Variants in SUGCT observed in about 807,000 individuals in gnomAD.
SUGCT encodes the protein succinyl-CoA:glutarate CoA-transferase.
SUGCT carries 41 observed loss-of-function variants against 55.0 expected under a neutral mutation model. That is an observed-to-expected ratio of 0.74 (90% CI 0.58 to 0.97). The LOEUF (loss-of-function observed/expected upper bound fraction) is 0.97. SUGCT is among the 50% of genes least tolerant of loss of function. SUGCT has a pLI of 0.00. For synonymous variants in SUGCT, 187 were observed against 200.4 expected (o/e 0.93, Z 0.56); for missense variants, 568 against 547.8 (o/e 1.04, Z -0.37).
rs535176726 is a variant in SUGCT, at chr7:40,795,773, C to T, written c.1153+46276C>T. Among the ~76,000 whole-genome samples, 27 of 152,224 alleles carry T rather than the reference C, an allele frequency of 1.8e-4. 1 individual carries two copies. The highest frequency in any genetic ancestry group is 5.8e-4 in the African/African-American group (24 of 41,556). On this transcript the variant is annotated intron_variant, in intron 13 of 13. Coordinates refer to ENST00000335693, the MANE Select transcript of SUGCT (RefSeq NM_001193313.2). ...CCAGCAGAATGTGCATAGTTTCTGA[C>T]TGTTAGTGTATTCTTCCCCCTATTA... is the stretch of plus-strand genomic sequence containing the variant.
intron 12 of SUGCT, among the ~76,000 whole-genome samples, chr7:40,597,584 A>G (rs1225818678): frequency 6.6e-6 from 1 of 152,162 alleles, no homozygotes; most frequent in Non-Finnish European, 1.5e-5. Context: ...GATGAAGACT[A>G]GATCTGGCCA....
chr7:40,345,080 G>A (rs1299482366), intron 9 of SUGCT, among the ~76,000 whole-genome samples: 1 of 152,142 alleles, frequency 6.6e-6, no homozygotes, highest in Non-Finnish European at 1.5e-5. Flanking sequence ...CAAATAATTA[G>A]CAGCTTTAAT....
Position 40,691,047 on chromosome 7 carries a change from A to G in SUGCT, c.1090-58387A>G, listed in dbSNP as rs572946364. ...TTGGCTGTCTGATATTTCCTCTGGA[A>G]TAGAAAAGGAAGACTCAGGAAAAAC... is the stretch of plus-strand genomic sequence containing the variant. On this transcript the variant is annotated intron_variant, in intron 12 of 13. Coordinates refer to ENST00000335693, the MANE Select transcript of SUGCT (RefSeq NM_001193313.2). Among the ~76,000 whole-genome samples, 15 of 152,340 alleles carry G rather than the reference A, an allele frequency of 9.8e-5. No homozygotes were observed. In the East Asian group the frequency reaches 2.7e-3, roughly 27 times the overall value.
chr7:40,725,805 T>C (rs1388435636), intron 12 of SUGCT, among the ~76,000 whole-genome samples: 1 of 152,106 alleles, frequency 6.6e-6, no homozygotes, highest in Non-Finnish European at 1.5e-5. Flanking sequence ...CATGGAGAAA[T>C]CGGATTTTGC....
intron 12 of SUGCT, among the ~76,000 whole-genome samples, chr7:40,739,931 T>A (rs1214411391): frequency 2.6e-5 from 4 of 152,172 alleles, no homozygotes; most frequent in Non-Finnish European, 4.4e-5. Flanking sequence ...ATGAACTTTT[T>A]AAAAAGTTTA....
At chr7:40,918,297 C>T in the SUGCT span, among the ~76,000 whole-genome samples, 2 of 151,840 alleles carry the variant, frequency 1.3e-5, no homozygotes. Flanking sequence ...CCTGTCTCTA[C>T]TAAAAATACA....
At chr7:41,003,063 A>G in the SUGCT span, among the ~76,000 whole-genome samples, 1 of 152,190 alleles carries the variant, frequency 6.6e-6, no homozygotes, top group Non-Finnish European at 1.5e-5. Context: ...TAGAGTTTTT[A>G]TAAAGTTTAA....
intron 12 of SUGCT, among the ~76,000 whole-genome samples, chr7:40,618,855 T>A (rs1218520979): frequency 1.3e-5 from 2 of 152,224 alleles, no homozygotes; most frequent in Non-Finnish European, 2.9e-5. Flanking sequence ...TGTTTCTAAA[T>A]TTTATTTTCT....
At chr7:40,984,427 CT>C in the SUGCT span, among the ~76,000 whole-genome samples, 1 of 152,078 alleles carries the variant, frequency 6.6e-6, no homozygotes, top group African/African-American at 2.4e-5. Flanking sequence ...GGTTAAGTGA[CT>C]TTCCTATAGC....
At chr7:40,673,799 C>T (rs978899064) in intron 12 of SUGCT, among the ~76,000 whole-genome samples, 4 of 152,102 alleles carry the variant, frequency 2.6e-5, no homozygotes, top group African/African-American at 7.2e-5. Context: ...GCTTTGGAGC[C>T]GATTCTATCT....
intron 13 of SUGCT, among the ~76,000 whole-genome samples, chr7:40,837,568 C>T (rs1405903069): frequency 6.6e-6 from 1 of 151,788 alleles, no homozygotes; most frequent in Non-Finnish European, 1.5e-5. Flanking sequence ...ATTCTGTGAC[C>T]ATTTTGAGTT....
the SUGCT span, among the ~76,000 whole-genome samples, chr7:40,975,218 A>G: frequency 3.9e-5 from 6 of 152,114 alleles, no homozygotes; most frequent in Non-Finnish European, 7.3e-5. Context: ...CCTAACCAAG[A>G]TTTCTTCATC....
chr7:40,671,961 G>C (rs898700192), intron 12 of SUGCT, among the ~76,000 whole-genome samples: 2 of 152,162 alleles, frequency 1.3e-5, no homozygotes, highest in Non-Finnish European at 2.9e-5. Context: ...CAGTAAACAA[G>C]ATTGTATACA....
chr7:40,477,227 A>T (rs1790747664), intron 11 of SUGCT, among the ~76,000 whole-genome samples: 1 of 152,166 alleles, frequency 6.6e-6, no homozygotes, highest in Non-Finnish European at 1.5e-5. Context: ...TTTGAGTGAT[A>T]GTTCTGTAAA....
At chr7:40,328,249 A>T (rs565991231) in intron 9 of SUGCT, among the ~76,000 whole-genome samples, 5 of 152,214 alleles carry the variant, frequency 3.3e-5, no homozygotes, top group Non-Finnish European at 5.9e-5. Context: ...ATCAGGTTGT[A>T]CATCTTTTGA....
At chr7:40,454,618 G>GAA (rs66972265) in intron 10 of SUGCT, among the ~76,000 whole-genome samples, 5 of 152,014 alleles carry the variant, frequency 3.3e-5, no homozygotes, top group Non-Finnish European at 7.4e-5. Context: ...CCCAGAGGGG[G>GAA]AAAAAATGTA....
At chr7:40,496,127 A>C (rs1791957349) in intron 11 of SUGCT, among the ~76,000 whole-genome samples, 157 bp from the exon 12 acceptor site, 1 of 152,216 alleles carries the variant, frequency 6.6e-6, no homozygotes, top group East Asian at 1.9e-4. Flanking sequence ...CACTCAAGTC[A>C]TTTCATACAG....
chr7:40,892,557 A>G, the SUGCT span, among the ~76,000 whole-genome samples: 7 of 152,264 alleles, frequency 4.6e-5, 1 homozygote, highest in East Asian at 9.6e-4. Flanking sequence ...TTTTAGAGAG[A>G]GGGTCTTGCT....
chr7:40,867,331 G>A, the SUGCT span, among the ~76,000 whole-genome samples: 1 of 135,894 alleles, frequency 7.4e-6, no homozygotes, highest in South Asian at 2.3e-4. Context: ...ATATATATAT[G>A]TGTATATATA....
Sources: allele counts gnomAD v4.1 joint callset (sites outside exome capture counted in the v4.1 genomes callset), GRCh38; gene constraint gnomAD v4.1.1; transcripts MANE v1.5; gene names NCBI Gene and HGNC (gene_info 2026-07-23, HGNC 2026-07-21).